Variants in LSM2 observed in about 807,000 individuals in gnomAD.
LSM2 encodes U6 snRNA-associated Sm-like protein LSm2.
Under a neutral mutation model 17.0 loss-of-function variants are expected in LSM2, and 12 were observed. The ratio of observed to expected loss-of-function variants is 0.70; its 90% confidence interval spans 0.45 to 1.14. The LOEUF (loss-of-function observed/expected upper bound fraction) is 1.14, where lower values mean the gene tolerates loss of function less well. Ranked by LOEUF, LSM2 falls within the 50% of genes most tolerant of loss-of-function variation. The pLI is 0.00. For synonymous variants in LSM2, 42 were observed against 44.5 expected, an observed-to-expected ratio of 0.94 and a Z score of 0.22; for missense variants, 62 against 111.8, an observed-to-expected ratio of 0.55 and a Z score of 2.01.
chr6:31,802,712 G>A (rs1328529158), intron 2 of LSM2, among the ~76,000 whole-genome samples: 1 of 152,094 alleles, frequency 6.6e-6, no homozygotes. Flanking sequence ...GGAGTTGGGA[G>A]ACCAGCCTGG....
In LSM2 at chr6:31,798,065, GAAC is replaced by G. The variant is rs1227417978; in HGVS notation, c.103-19_103-17del. The stretch of plus-strand genomic sequence containing the variant: ...TGTTGAGATACTAGGAAAGGAAGAT[GAAC>G]ACCATTATTATTATTATTTTTTTTT... On this transcript the variant is annotated splice_polypyrimidine_tract_variant and intron_variant, in intron 3 of 4. Transcript: ENST00000375661. 1 of 1,566,984 alleles carries G rather than the reference GAAC, an allele frequency of 6.4e-7. No individual in the cohort carries two copies. The highest frequency in any genetic ancestry group is 8.6e-7 in the Non-Finnish European group (1 of 1,161,740).
intron 1 of LSM2, 31 bp from the exon 2 acceptor site, chr6:31,806,173 T>G (rs779610802): frequency 6.2e-7 from 1 of 1,601,744 alleles, no homozygotes; most frequent in Admixed American, 1.7e-5. Flanking sequence ...AACCATCATG[T>G]GGGAAGGAGC....
At chr6:31,804,577 TTC>T (rs1814895085) in intron 2 of LSM2, among the ~76,000 whole-genome samples, 1 of 152,078 alleles carries the variant, frequency 6.6e-6, no homozygotes, top group African/African-American at 2.4e-5. Flanking sequence ...GATATTATTT[TTC>T]TTTCTTTAAG....
rs1814440061 is a variant in LSM2, at chr6:31,797,495, C to T, written c.*262G>A. On this transcript the variant is annotated 3_prime_UTR_variant, in exon 5 of 5. Transcript: ENST00000375661. ...AAGACCTAGGAAACTCTCCTACCATCTCCAGAGAAGTAGTGAGAAAGGCAG... is the reference window on the plus strand; with the variant it reads ...AAGACCTAGGAAACTCTCCTACCATTTCCAGAGAAGTAGTGAGAAAGGCAG... 6.1e-6 allele frequency: 3 copies of T among 492,064 alleles called. No individual in the cohort carries two copies. The highest frequency in any genetic ancestry group is 1.1e-5 in the Non-Finnish European group (3 of 274,832). 30.5% of individuals were successfully genotyped at this position (492,064 alleles called of 1,614,324 possible).
chr6:31,805,041 C>T (rs1337929286), intron 2 of LSM2, among the ~76,000 whole-genome samples: 1 of 152,004 alleles, frequency 6.6e-6, no homozygotes, highest in Non-Finnish European at 1.5e-5. Context: ...GCTGGGATTA[C>T]AGGCGTGAGC....
intron 1 of LSM2, chr6:31,806,541 A>ATC: frequency 1.4e-6 from 1 of 692,826 alleles, no homozygotes; most frequent in South Asian, 1.8e-5. Context: ...TCCTCACTGA[A>ATC]TCTCTCTCAG....
Position 31,806,112 on chromosome 6 carries a change from C to G in LSM2, c.34G>C (p.Gly12Arg). ...LFYSFFKSLV[G>R]KDVVVELKND... is the part of the protein sequence containing the mutation. ...TTTAGTTCCACGACCACATCCTTGC[C>G]CACAAGGGACTTGAAAAAAGAATAG... Residue 12 changes from glycine (G) to arginine (R), a missense_variant, in exon 2 of 5, where the codon GGC becomes CGC. Transcript: ENST00000375661. 6.2e-7 allele frequency: 1 copy of G among 1,612,904 alleles called. No homozygotes were observed. Among genetic ancestry groups the G allele is most frequent in the Non-Finnish European group, 8.5e-7 (1 of 1,179,924 alleles).
At chr6:31,802,285 AAAAT>A (rs556777473) in intron 2 of LSM2, among the ~76,000 whole-genome samples, 1,762 of 150,890 alleles carry the variant, frequency 0.012, 15 homozygotes, top group Middle Eastern at 0.038. Context: ...ATCTCAAACA[AAAAT>A]AAATAAATAA....
chr6:31,806,611 AAT>A, intron 1 of LSM2, 142 bp downstream of exon 1: 1 of 1,121,722 alleles, frequency 8.9e-7, no homozygotes, highest in Non-Finnish European at 1.3e-6. Context: ...GTGCCTCCTC[AAT>A]GAACCTGAGA....
intron 2 of LSM2, among the ~76,000 whole-genome samples, chr6:31,802,492 G>A (rs1814773500): frequency 6.6e-6 from 1 of 151,984 alleles, no homozygotes; most frequent in Non-Finnish European, 1.5e-5. Context: ...CTACTCGGGA[G>A]GCTGAGGCAG....
At chr6:31,804,613 G>T (rs965749330) in intron 2 of LSM2, among the ~76,000 whole-genome samples, 4 of 152,062 alleles carry the variant, frequency 2.6e-5, no homozygotes, top group Admixed American at 6.6e-5. Flanking sequence ...ACTGGCCTAT[G>T]CTAGGTATTA....
rs1315001363 is a variant in LSM2, at chr6:31,806,915, A to G, written c.-158T>C. The G allele has an allele frequency of 3.0e-6, 3 of 1,000,466 alleles. No individual in the cohort carries two copies. The highest frequency in any genetic ancestry group is 4.3e-6 in the Non-Finnish European group (3 of 700,762). The allele number at this position is 1,000,466 out of a possible 1,614,324, so 62.0% of individuals were successfully genotyped here. ...GAAAGCTCCAAGCGCTGACGGGCAA[A>G]GCGCGGCCGACTTGCGGCTGGGGAG... On this transcript the variant is annotated 5_prime_UTR_variant, in exon 1 of 5. Coordinates refer to ENST00000375661, the MANE Select transcript of LSM2 (RefSeq NM_021177.5).
At chr6:31,806,462 C>CT (rs1329571433) in intron 1 of LSM2, 5 of 605,978 alleles carry the variant, frequency 8.3e-6, no homozygotes, top group Non-Finnish European at 1.5e-5. Flanking sequence ...GAAAATATCC[C>CT]ACCCGCACCC....
At chr6:31,805,626 G>C (rs1363606635) in intron 2 of LSM2, among the ~76,000 whole-genome samples, 1 of 152,138 alleles carries the variant, frequency 6.6e-6, no homozygotes, top group Non-Finnish European at 1.5e-5. Context: ...GCCTCCCAAA[G>C]TGCTGGGATT....
At chr6:31,805,247 A>T (rs1377065671) in intron 2 of LSM2, among the ~76,000 whole-genome samples, 1 of 151,298 alleles carries the variant, frequency 6.6e-6, no homozygotes, top group African/African-American at 2.4e-5. Context: ...ATAGAAATAG[A>T]GGTCTCATCA....
At chr6:31,804,853 G>A (rs1485846768) in intron 2 of LSM2, among the ~76,000 whole-genome samples, 1 of 139,824 alleles carries the variant, frequency 7.2e-6, no homozygotes, top group Non-Finnish European at 1.5e-5. Flanking sequence ...TGCAAGTTCC[G>A]CCTCCCAGGT....
intron 2 of LSM2, among the ~76,000 whole-genome samples, chr6:31,804,763 C>CTTTTTTTTTTTTT (rs9279424): frequency 3.8e-5 from 4 of 104,908 alleles, no homozygotes; most frequent in Admixed American, 1.1e-4. Flanking sequence ...TCTTTTTTTT[C>CTTTTTTTTTTTTT]TTTTTTTTTT....
At chr6:31,799,244 T>G (rs1412454384) in intron 2 of LSM2, among the ~76,000 whole-genome samples, 2 of 152,164 alleles carry the variant, frequency 1.3e-5, no homozygotes, top group Non-Finnish European at 2.9e-5. Flanking sequence ...AGCTATTTTT[T>G]TTTTATTTTT....
At position 31,806,743 on chromosome 6, in the gene LSM2, C is replaced by A. The variant is rs1423426654; in HGVS notation, c.3+12G>T. Reference sequence around the variant, plus strand: ...CCCCGAGGGCGCCCCCTTTTGACGTCACGGTACCCACCATGGTGCTGGCGC... The same window carrying A: ...CCCCGAGGGCGCCCCCTTTTGACGTAACGGTACCCACCATGGTGCTGGCGC... On this transcript the variant is annotated intron_variant, in intron 1 of 4. Coordinates refer to ENST00000375661, the MANE Select transcript of LSM2 (RefSeq NM_021177.5). 3 of 1,610,084 alleles carry A rather than the reference C, an allele frequency of 1.9e-6. No homozygotes were observed. The highest frequency in any genetic ancestry group is 2.5e-6 in the Non-Finnish European group (3 of 1,178,946).
Sources: allele counts gnomAD v4.1 joint callset (sites outside exome capture counted in the v4.1 genomes callset), GRCh38; gene constraint gnomAD v4.1.1; transcripts MANE v1.5; gene names NCBI Gene and HGNC (gene_info 2026-07-23, HGNC 2026-07-21).